The following LARP1 variants were observed in gnomAD, a reference collection of about 807,000 sequenced individuals.
LARP1 encodes La ribonucleoprotein 1, translational regulator, also known as la-related protein 1.
LARP1 carries 36 observed loss-of-function variants against 122.7 expected under a neutral mutation model. The ratio of observed to expected loss-of-function variants is 0.29; its 90% CI spans 0.22 to 0.39. LARP1 has a LOEUF of 0.39. Among genes scored for constraint, LARP1 ranks in the 10% least tolerant of loss-of-function variants. The probability of loss-of-function intolerance (pLI) is 1.00; values close to 1 mark genes in which losing one functional copy is unlikely to be tolerated. For missense variants in LARP1, 1,040 were observed against 1,403.6 expected (o/e 0.74, Z 4.14); for synonymous variants, 539 against 528.7 (o/e 1.02, Z -0.27).
chr5:154,789,922 T>G (rs990837548), intron 1 of LARP1, among the ~76,000 whole-genome samples: 1 of 152,194 alleles, frequency 6.6e-6, no homozygotes, highest in Admixed American at 6.5e-5. Context: ...TTCTAGAATG[T>G]TAGGGCCAGA....
intron 1 of LARP1, among the ~76,000 whole-genome samples, chr5:154,735,693 T>C (rs1022862161): frequency 7.1e-4 from 107 of 151,064 alleles, no homozygotes; most frequent in African/African-American, 2.3e-3. Flanking sequence ...CTCAGCCTCC[T>C]GAGTAGCTGG....
intron 1 of LARP1, among the ~76,000 whole-genome samples, chr5:154,716,285 A>G (rs1012412533): frequency 1.5e-4 from 23 of 151,760 alleles, no homozygotes; most frequent in Non-Finnish European, 2.5e-4. Context: ...ACGCCCAGCT[A>G]TTTTTTTGTA....
Position 154,814,859 on chromosome 5 carries a change from GGAAAAAAGAA to G in LARP1, c.*773_*782del. ...GACCTTTCCATCCTTGAAAAAATGG[GGAAAAAAGAA>G]GAAAAAAGACAAAATCGACCATAAA... On this transcript the variant is annotated 3_prime_UTR_variant, in exon 19 of 19. Coordinates refer to ENST00000518297, the MANE Select transcript of LARP1 (RefSeq NM_033551.3). The G allele has an allele frequency of 6.9e-6, 1 of 145,632 alleles. No individual in the cohort carries two copies. Among genetic ancestry groups the G allele is most frequent in the Non-Finnish European group, 1.5e-5 (1 of 66,362 alleles). The allele number at this position is 145,632 out of a possible 1,614,324, so 9.0% of individuals were successfully genotyped here.
intron 1 of LARP1, among the ~76,000 whole-genome samples, chr5:154,742,034 A>G (rs562102660): frequency 1.3e-5 from 2 of 152,250 alleles, no homozygotes; most frequent in African/African-American, 4.8e-5. Context: ...TCTCAAATAG[A>G]CCTAAAGATC....
upstream of LARP1, among the ~76,000 whole-genome samples, chr5:154,710,286 T>C (rs944858440): frequency 6.6e-6 from 1 of 152,108 alleles, no homozygotes; most frequent in African/African-American, 2.4e-5. Context: ...ATTCACTTAG[T>C]TTATTTGTTT....
At chr5:154,743,187 C>T (rs964806618) in intron 1 of LARP1, among the ~76,000 whole-genome samples, 1 of 152,062 alleles carries the variant, frequency 6.6e-6, no homozygotes, top group Admixed American at 6.6e-5. Flanking sequence ...GAAGTCCCAC[C>T]CTTAGCAAAA....
At chr5:154,799,367 G>A (rs1205698498) in intron 8 of LARP1, among the ~76,000 whole-genome samples, 4 of 152,180 alleles carry the variant, frequency 2.6e-5, no homozygotes, top group African/African-American at 7.2e-5. Context: ...TAGGATTGCA[G>A]GCTCAAAGAG....
At chr5:154,687,527 A>G (rs59099330) in intron 1 of LARP1, among the ~76,000 whole-genome samples, 13,715 of 152,192 alleles carry the variant, frequency 0.09, 1,396 homozygotes, top group African/African-American at 0.25. Flanking sequence ...GACTACAGGC[A>G]CCCACCACCA....
Position 154,755,657 on chromosome 5 carries a change from G to A in LARP1, c.-101G>A. On this transcript the variant is annotated 5_prime_UTR_variant, in exon 1 of 19. Coordinates refer to ENST00000518297, the MANE Select transcript of LARP1 (RefSeq NM_033551.3). ...CCTTCTCTGCAGGGACTGGGGCCCA[G>A]CGCCCCGGAGGAAGGCGTCGCGGGC... 3 of 987,664 alleles carry A rather than the reference G, an allele frequency of 3.0e-6. No homozygotes were observed. The highest frequency in any genetic ancestry group is 3.6e-6 in the Non-Finnish European group (3 of 830,202). The allele number at this position is 987,664 out of a possible 1,614,324, so 61.2% of individuals were successfully genotyped here.
At chr5:154,721,773 A>G (rs115817830) in intron 1 of LARP1, among the ~76,000 whole-genome samples, 1,730 of 152,328 alleles carry the variant, frequency 0.011, 28 homozygotes, top group African/African-American at 0.039. Context: ...AGAAGGCTGT[A>G]AGGAACATAA....
chr5:154,701,735 C>T (rs989952897), intron 1 of LARP1, among the ~76,000 whole-genome samples: 3 of 151,716 alleles, frequency 2.0e-5, no homozygotes, highest in Admixed American at 6.6e-5. Flanking sequence ...TATTCTACTG[C>T]CTCAGCCTCC....
At chr5:154,790,829 T>A in intron 3 of LARP1, 119 bp downstream of exon 3, 1 of 947,770 alleles carries the variant, frequency 1.1e-6, no homozygotes, top group Non-Finnish European at 1.6e-6. Context: ...TTTCTTTTTT[T>A]TCCCCCCAAC....
At chr5:154,741,695 C>T (rs1446092327) in intron 1 of LARP1, among the ~76,000 whole-genome samples, 2 of 152,036 alleles carry the variant, frequency 1.3e-5, no homozygotes, top group South Asian at 2.1e-4. Context: ...GTGCAAGAAA[C>T]GGGGGGAAAA....
chr5:154,807,201 C>T lies in LARP1; in HGVS notation c.2698+1169C>T, dbSNP rs78337147. 6.5e-3 allele frequency among the ~76,000 whole-genome samples: 994 copies of T among 152,306 alleles called. 9 individuals carry two copies. The highest frequency in any genetic ancestry group is 0.023 in the African/African-American group (941 of 41,566). ...TTTTTATTGCCAAATCATATTCCATCGTATGGATGTATCACATTTTGTGTA... is the reference window on the plus strand; with the variant it reads ...TTTTTATTGCCAAATCATATTCCATTGTATGGATGTATCACATTTTGTGTA... On this transcript the variant is annotated intron_variant, in intron 15 of 18. Transcript: ENST00000518297.
chr5:154,763,507 A>T (rs1339116106), intron 1 of LARP1, among the ~76,000 whole-genome samples: 1 of 151,478 alleles, frequency 6.6e-6, no homozygotes, highest in Admixed American at 6.6e-5. Flanking sequence ...GGCTGGTTGC[A>T]GTGGCTCACA....
At chr5:154,809,850 C>T (rs187590970) in intron 16 of LARP1, among the ~76,000 whole-genome samples, 2 of 151,884 alleles carry the variant, frequency 1.3e-5, no homozygotes, top group South Asian at 2.1e-4. Context: ...GGACCACAGG[C>T]GCCTGCCACC....
rs569122294 is a variant in LARP1 at position 154,814,071 on chromosome 5, C to T, written c.3266C>T (p.Ser1089Leu). The change falls in exon 19 of 19, where the codon TCG (serine) becomes TTG (leucine). Residue 1089 changes from serine (S) to leucine (L), a missense_variant. Physicochemically the swap from Ser to Leu is moderately radical, Grantham distance 145. Coordinates refer to ENST00000518297, the MANE Select transcript of LARP1 (RefSeq NM_033551.3). ...REDAKWTSQH[S>L]NTQTLGK ...GATGCCAAATGGACAAGCCAGCACT[C>T]GAACACACAGACTTTGGGAAAGTGA... The T allele has an allele frequency of 8.7e-6, 14 of 1,614,022 alleles. No individual in the cohort carries two copies. The African/African-American group carries it at 9.3e-5, about 11-fold the overall frequency.
chr5:154,772,159 C>T (rs747612963), intron 1 of LARP1, among the ~76,000 whole-genome samples: 4 of 152,122 alleles, frequency 2.6e-5, no homozygotes, highest in East Asian at 1.9e-4. Flanking sequence ...GTGCTAGCCA[C>T]GTAAATTAAA....
In LARP1 at chr5:154,755,396, C is replaced by T. The variant is rs1326758539; in HGVS notation, c.-362C>T. ...CCGTCCGTCCATATTGCTGCAGCCC[C>T]CGAGCCGGGAAGCCCGGGCCGCCCC... On this transcript the variant is annotated 5_prime_UTR_variant, in exon 1 of 19. Coordinates refer to ENST00000518297, the MANE Select transcript of LARP1 (RefSeq NM_033551.3). Among the ~76,000 whole-genome samples the T allele has an allele frequency of 6.6e-6, 1 of 151,162 alleles. No homozygotes were observed. Among genetic ancestry groups the T allele is most frequent in the Non-Finnish European group, 1.5e-5 (1 of 67,592 alleles).
Sources: gnomAD v4.1 joint callset for allele counts (sites outside exome capture counted in the v4.1 genomes callset) on GRCh38, gnomAD v4.1.1 for gene constraint, MANE v1.5 for transcripts, NCBI Gene and HGNC (gene_info 2026-07-23, HGNC 2026-07-21) for gene names.